Variants in ATP10A observed in about 807,000 individuals in gnomAD.
ATP10A encodes phospholipid-transporting ATPase VA.
ATP10A carries 111 observed loss-of-function variants against 147.8 expected under a neutral mutation model. The observed-to-expected ratio is 0.75, with a 90% confidence interval of 0.64 to 0.88. The LOEUF is 0.88. Ranked by LOEUF, ATP10A falls within the 40% of genes least tolerant of loss-of-function variation. The pLI is 0.00. For missense variants in ATP10A, 1,927 were observed against 1,959.0 expected (o/e 0.98, Z 0.31); for synonymous variants, 875 against 841.6 (o/e 1.04, Z -0.69).
At position 25,787,568 on chromosome 15, in the gene ATP10A, C is replaced by T. The variant is rs139273375; in HGVS notation, c.450-6345G>A. ...TTGAGGTGGCAGTAAGCCCTGATTG[C>T]GCCACTGCAGTCCAGCCTGGATGAC... is the stretch of plus-strand genomic sequence containing the variant. On this transcript the variant is annotated intron_variant, in intron 1 of 20. Coordinates refer to ENST00000555815, the MANE Select transcript of ATP10A (RefSeq NM_024490.4). Among the ~76,000 whole-genome samples, 13 of 147,852 alleles carry T rather than the reference C, an allele frequency of 8.8e-5. No individual in the cohort carries two copies. The South Asian group carries it at 2.4e-3, about 27-fold the overall frequency.
At chr15:25,803,704 TC>T (rs5811397) in intron 1 of ATP10A, among the ~76,000 whole-genome samples, 40,936 of 151,994 alleles carry the variant, frequency 0.27, 6,499 homozygotes, top group African/African-American at 0.44. Context: ...CAGTGGGCAC[TC>T]CGGCAGGGCC....
At chr15:25,738,217 C>G (rs1228394890) in intron 2 of ATP10A, among the ~76,000 whole-genome samples, 3 of 152,204 alleles carry the variant, frequency 2.0e-5, no homozygotes, top group Non-Finnish European at 4.4e-5. Context: ...TCATTCCAAA[C>G]CAGCTTTGAG....
intron 9 of ATP10A, among the ~76,000 whole-genome samples, chr15:25,714,965 T>TACACACACACACACAC: frequency 6.9e-6 from 1 of 145,710 alleles, no homozygotes; most frequent in East Asian, 2.0e-4. Flanking sequence ...ATGACACATA[T>TACACACACACACACAC]ACACACACAC....
chr15:25,862,227 T>C (rs1055685466), intron 1 of ATP10A: 24 of 466,546 alleles, frequency 5.1e-5, no homozygotes, highest in Admixed American at 5.1e-4. Flanking sequence ...AGCTTTACTG[T>C]CCTGTGCCGG....
At chr15:25,772,043 C>T (rs1283811439) in intron 2 of ATP10A, among the ~76,000 whole-genome samples, 7 of 152,124 alleles carry the variant, frequency 4.6e-5, no homozygotes, top group Admixed American at 1.3e-4. Context: ...TGAGCCATCG[C>T]GCCCGGCCTG....
At position 25,708,000 on chromosome 15, in the gene ATP10A, G is replaced by T. The variant is rs1190211387; in HGVS notation, c.2551C>A (p.Leu851Met). The T allele has an allele frequency of 6.2e-7, 1 of 1,614,094 alleles. No homozygotes were observed. The highest frequency in any genetic ancestry group is 1.3e-5 in the African/African-American group (1 of 74,944). Reference sequence around the variant, plus strand: ...CCTAACAAGTGCAGGTTGGTCTCCAGGCGAATGGCAGACTGGAAGAGGAGC... The same window carrying T: ...CCTAACAAGTGCAGGTTGGTCTCCATGCGAATGGCAGACTGGAAGAGGAGC... ...EELLFQSAIR[L>M]ETNLHLLGAT... Residue 851 changes from leucine (L) to methionine (M), a missense_variant, in exon 12 of 21, where the codon CTG becomes ATG. Physicochemically the swap from Leu to Met is conservative, Grantham distance 15. Coordinates refer to ENST00000555815, the MANE Select transcript of ATP10A (RefSeq NM_024490.4).
chr15:25,803,459 AC>A (rs1891029889), intron 1 of ATP10A, among the ~76,000 whole-genome samples: 1 of 152,132 alleles, frequency 6.6e-6, no homozygotes, highest in Non-Finnish European at 1.5e-5. Flanking sequence ...GGCTAGGACA[AC>A]TCGCCCTCTA....
intron 1 of ATP10A, among the ~76,000 whole-genome samples, chr15:25,786,642 T>TTC (rs1890174974): frequency 2.5e-5 from 2 of 79,376 alleles, no homozygotes; most frequent in African/African-American, 9.7e-5. Flanking sequence ...TTTTTTTTTT[T>TTC]TGAGGCGGAG....
intron 14 of ATP10A, among the ~76,000 whole-genome samples, chr15:25,693,942 A>C (rs1302230979): frequency 6.6e-6 from 1 of 152,214 alleles, no homozygotes; most frequent in Non-Finnish European, 1.5e-5. Context: ...AATACTGCCA[A>C]CACTGGCTGA....
chr15:25,716,327 G>C (rs1901805052), intron 9 of ATP10A, among the ~76,000 whole-genome samples: 1 of 149,844 alleles, frequency 6.7e-6, no homozygotes, highest in African/African-American at 2.5e-5. Flanking sequence ...GGCTCGGGGA[G>C]GTTGTCCTGG....
At chr15:25,844,832 C>T (rs1046939005) in intron 1 of ATP10A, among the ~76,000 whole-genome samples, 27 of 152,198 alleles carry the variant, frequency 1.8e-4, no homozygotes, top group African/African-American at 5.5e-4. Context: ...CAAGGAGGGG[C>T]TGGCAGCCTG....
chr15:25,800,919 TC>T (rs1890907484), intron 1 of ATP10A, among the ~76,000 whole-genome samples: 1 of 152,150 alleles, frequency 6.6e-6, no homozygotes, highest in Admixed American at 6.5e-5. Flanking sequence ...TGTCACATCT[TC>T]CTGGTGTTTG....
intron 1 of ATP10A, among the ~76,000 whole-genome samples, chr15:25,848,478 T>G (rs1436504301): frequency 6.7e-6 from 1 of 148,566 alleles, no homozygotes; most frequent in Non-Finnish European, 1.5e-5. Flanking sequence ...TTCACAATTC[T>G]GGAGGTCAAT....
At position 25,687,900 on chromosome 15, in the gene ATP10A, T is replaced by C. The variant is rs541436362; in HGVS notation, c.3166-72A>G. ...TCAGATTTGTCTTCTCTTCTCAAAA[T>C]GCAAGGTACACAACAGGGAAGGAAA... is the stretch of plus-strand genomic sequence containing the variant. On this transcript the variant is annotated intron_variant, in intron 15 of 20. Coordinates refer to ENST00000555815, the MANE Select transcript of ATP10A (RefSeq NM_024490.4). 9.4e-6 allele frequency: 15 copies of C among 1,599,846 alleles called. No individual in the cohort carries two copies. The African/African-American group carries it at 1.6e-4, about 17-fold the overall frequency.
At chr15:25,823,412 A>C (rs564898192) in intron 1 of ATP10A, among the ~76,000 whole-genome samples, 1 of 152,218 alleles carries the variant, frequency 6.6e-6, no homozygotes, top group Non-Finnish European at 1.5e-5. Flanking sequence ...TGAGACCAGA[A>C]AAACAAAGTG....
chr15:25,716,400 C>T (rs1901809205), intron 9 of ATP10A, among the ~76,000 whole-genome samples: 1 of 152,150 alleles, frequency 6.6e-6, no homozygotes, highest in Admixed American at 6.5e-5. Context: ...CAGGCAGGGC[C>T]TCCACACACC....
At chr15:25,703,083 C>T (rs1221571148) in intron 12 of ATP10A, among the ~76,000 whole-genome samples, 3 of 152,286 alleles carry the variant, frequency 2.0e-5, no homozygotes, top group Admixed American at 6.5e-5. Flanking sequence ...TGGGGTCGGG[C>T]GCGGTGGCTC....
At chr15:25,710,838 C>T (rs1344848302) in intron 10 of ATP10A, 1 of 152,190 alleles carries the variant, frequency 6.6e-6, no homozygotes, top group Non-Finnish European at 1.5e-5. Flanking sequence ...AAGACCACTC[C>T]AAGTAGCAAC....
intron 1 of ATP10A, among the ~76,000 whole-genome samples, chr15:25,804,838 G>GC (rs1444572307): frequency 6.6e-6 from 1 of 152,074 alleles, no homozygotes; most frequent in Non-Finnish European, 1.5e-5. Context: ...TTGAATAGTT[G>GC]AAAAAATTGA....
Sources: allele counts gnomAD v4.1 joint callset (sites outside exome capture counted in the v4.1 genomes callset), GRCh38; gene constraint gnomAD v4.1.1; transcripts MANE v1.5; gene names NCBI Gene and HGNC (gene_info 2026-07-23, HGNC 2026-07-21).